The following CNTN5 variants were observed in gnomAD, a reference collection of about 807,000 sequenced individuals.
The protein encoded by CNTN5 is contactin 5.
A neutral mutation model predicts 129.1 loss-of-function variants in CNTN5; 77 were observed. That is an observed-to-expected ratio of 0.60 (90% CI 0.50 to 0.72). CNTN5 has a LOEUF of 0.72. Ranked by LOEUF, CNTN5 falls within the 30% of genes least tolerant of loss-of-function variation. The pLI, the probability that CNTN5 is intolerant of heterozygous loss-of-function variation, is 0.00. For synonymous variants in CNTN5, 509 were observed against 465.6 expected, an observed-to-expected ratio of 1.09 and a Z score of -1.20; for missense variants, 1,478 against 1,328.8, an observed-to-expected ratio of 1.11 and a Z score of -1.75.
At chr11:100,276,181 A>G (rs1463329511) in intron 18 of CNTN5, among the ~76,000 whole-genome samples, 1 of 152,192 alleles carries the variant, frequency 6.6e-6, no homozygotes, top group Non-Finnish European at 1.5e-5. Flanking sequence ...CCTTTTCTGC[A>G]TGCCAAAAAA....
chr11:99,610,993 A>T (rs1012228958), intron 3 of CNTN5, among the ~76,000 whole-genome samples: 17 of 152,192 alleles, frequency 1.1e-4, no homozygotes, highest in African/African-American at 4.1e-4. Context: ...ACTGCTTACT[A>T]ATGTAGTTGA....
At chr11:99,888,927 T>C (rs1036088281) in intron 6 of CNTN5, among the ~76,000 whole-genome samples, 1 of 152,208 alleles carries the variant, frequency 6.6e-6, no homozygotes, top group African/African-American at 2.4e-5. Context: ...CTCACAGTTT[T>C]GAGTTGTCAA....
Position 100,340,650 on chromosome 11 carries a change from G to T in CNTN5, c.2917+1G>T. On this transcript the variant is annotated splice_donor_variant, in intron 22 of 24. Transcript: ENST00000524871. LOFTEE classifies it high-confidence loss of function. The stretch of plus-strand genomic sequence containing the variant: ...GTGAGTGCAACCACCAAGAAATCCC[G>T]TAAGTGACCTGGGCTTTTTGTTTGT... 6.3e-7 allele frequency: 1 copy of T among 1,588,976 alleles called. No individual in the cohort carries two copies. The highest frequency in any genetic ancestry group is 1.1e-5 in the South Asian group (1 of 87,716).
At chr11:99,588,532 T>A (rs1949879524) in intron 3 of CNTN5, among the ~76,000 whole-genome samples, 1 of 152,110 alleles carries the variant, frequency 6.6e-6, no homozygotes, top group South Asian at 2.1e-4. Flanking sequence ...CAAGGTATAA[T>A]AATGAAACAT....
At chr11:99,540,446 A>T (rs2135493014) in intron 2 of CNTN5, among the ~76,000 whole-genome samples, 1 of 152,310 alleles carries the variant, frequency 6.6e-6, no homozygotes, top group South Asian at 2.1e-4. Flanking sequence ...TGCACTTTCA[A>T]TGTGTTCACA....
chr11:99,329,035 T>C (rs775959362), intron 2 of CNTN5, among the ~76,000 whole-genome samples: 14 of 152,106 alleles, frequency 9.2e-5, no homozygotes, highest in Non-Finnish European at 1.9e-4. Flanking sequence ...ATCTGCCAGT[T>C]ATGGTGGTGG....
chr11:99,034,428 T>G (rs956711880), intron 1 of CNTN5, among the ~76,000 whole-genome samples: 94 of 151,850 alleles, frequency 6.2e-4, no homozygotes, highest in Admixed American at 1.7e-3. Context: ...AAGCTATTGA[T>G]TATTGCCACA....
chr11:99,857,219 C>G (rs1393358297), intron 6 of CNTN5, among the ~76,000 whole-genome samples: 3 of 152,284 alleles, frequency 2.0e-5, no homozygotes, highest in East Asian at 1.9e-4. Flanking sequence ...CTTTATTAGA[C>G]TATAAACTCA....
intron 1 of CNTN5, among the ~76,000 whole-genome samples, chr11:99,116,121 T>A (rs1043924460): frequency 6.6e-6 from 1 of 152,204 alleles, no homozygotes; most frequent in African/African-American, 2.4e-5. Flanking sequence ...TTCTTCACAA[T>A]ATAGAGAAAA....
At chr11:100,043,883 T>A (rs1418825635) in intron 9 of CNTN5, among the ~76,000 whole-genome samples, 1 of 152,178 alleles carries the variant, frequency 6.6e-6, no homozygotes, top group African/African-American at 2.4e-5. Flanking sequence ...ATTACAGCAT[T>A]CACTTTGTTT....
intron 2 of CNTN5, among the ~76,000 whole-genome samples, chr11:99,474,853 C>T (rs547378854): frequency 6.6e-6 from 1 of 152,120 alleles, no homozygotes; most frequent in Non-Finnish European, 1.5e-5. Flanking sequence ...CGGAATAAAA[C>T]AATATTTGTT....
chr11:99,897,266 A>T (rs1012606238), intron 6 of CNTN5, among the ~76,000 whole-genome samples: 5 of 152,190 alleles, frequency 3.3e-5, no homozygotes, highest in African/African-American at 9.7e-5. Context: ...ATATTGCTAG[A>T]GGTAGATATT....
chr11:99,505,747 CA>C, intron 2 of CNTN5, among the ~76,000 whole-genome samples: 1 of 152,096 alleles, frequency 6.6e-6, no homozygotes. Flanking sequence ...TAAATAATAT[CA>C]AACCTTTGCA....
intron 8 of CNTN5, among the ~76,000 whole-genome samples, chr11:99,960,209 G>C (rs534328798): frequency 2.0e-5 from 3 of 152,142 alleles, no homozygotes; most frequent in East Asian, 3.9e-4. Context: ...GCATTTTTAA[G>C]TTTACTGTTG....
intron 2 of CNTN5, among the ~76,000 whole-genome samples, chr11:99,422,536 A>T (rs79394534): frequency 1.1e-4 from 15 of 133,720 alleles, no homozygotes; most frequent in African/African-American, 2.9e-4. Context: ...ATATATATAT[A>T]TATATATATA....
At chr11:99,595,969 C>T (rs968416461) in intron 3 of CNTN5, among the ~76,000 whole-genome samples, 6 of 152,148 alleles carry the variant, frequency 3.9e-5, no homozygotes, top group African/African-American at 1.4e-4. Context: ...AGAATCTTAA[C>T]CCAATCTACA....
intron 16 of CNTN5, among the ~76,000 whole-genome samples, chr11:100,237,534 C>T (rs1356919541): frequency 6.6e-6 from 1 of 152,094 alleles, no homozygotes; most frequent in Admixed American, 6.5e-5. Context: ...TGAATTTTGT[C>T]CTCCCAAACA....
chr11:100,119,212 T>C (rs1320333758), intron 13 of CNTN5, among the ~76,000 whole-genome samples: 1 of 151,896 alleles, frequency 6.6e-6, no homozygotes, highest in East Asian at 1.9e-4. Context: ...AAACACACGA[T>C]TGCTGTATTC....
intron 2 of CNTN5, among the ~76,000 whole-genome samples, chr11:99,370,566 A>G (rs1178483075): frequency 6.6e-6 from 1 of 152,186 alleles, no homozygotes; most frequent in African/African-American, 2.4e-5. Context: ...AAAAGTTACA[A>G]TATCTTTGAA....
Sources: allele counts gnomAD v4.1 joint callset (sites outside exome capture counted in the v4.1 genomes callset), GRCh38; gene constraint gnomAD v4.1.1; transcripts MANE v1.5; gene names NCBI Gene and HGNC (gene_info 2026-07-23, HGNC 2026-07-21).